The following HEXD variants were observed in gnomAD, a reference collection of about 807,000 sequenced individuals.
HEXD encodes the protein N-acetyl-beta-galactosaminidase.
A neutral mutation model predicts 54.2 loss-of-function variants in HEXD; 47 were observed. The observed-to-expected ratio is 0.87, with a 90% CI of 0.69 to 1.11. The LOEUF is 1.11. Among genes scored for constraint, HEXD ranks in the 50% least tolerant of loss-of-function variants. The pLI is 0.00. For synonymous variants in HEXD, 293 were observed against 287.6 expected, an observed-to-expected ratio of 1.02 and a Z score of -0.19; for missense variants, 576 against 649.2, an observed-to-expected ratio of 0.89 and a Z score of 1.23.
Position 82,442,482 on chromosome 17 carries a change from T to C in HEXD, c.*98T>C. ...ACGGGCCCACGTGGGCGTCGTGCCCTCTGGCCCAGCAGTGTCTTGCCCACA... is the reference window on the plus strand; with the variant it reads ...ACGGGCCCACGTGGGCGTCGTGCCCCCTGGCCCAGCAGTGTCTTGCCCACA... On this transcript the variant is annotated 3_prime_UTR_variant, in exon 13 of 13. Coordinates refer to ENST00000327949, the MANE Select transcript of HEXD (RefSeq NM_001330542.2). This position sits in a 1 kb window ranked among gnomAD's most constrained non-coding sequence, Gnocchi z 6.8. 6.2e-7 allele frequency: 1 copy of C among 1,605,054 alleles called. No individual in the cohort carries two copies. The highest frequency in any genetic ancestry group is 1.3e-5 in the African/African-American group (1 of 74,848).
intron 8 of HEXD, 121 bp downstream of exon 8, chr17:82,437,484 T>C (rs2053804155): frequency 2.3e-6 from 2 of 868,238 alleles, no homozygotes; most frequent in South Asian, 4.2e-5. Flanking sequence ...AGCCCGGGCC[T>C]CCAAGAGGAG....
chr17:82,440,102 C>G (rs1349496559), intron 9 of HEXD: 1 of 1,298,232 alleles, frequency 7.7e-7, no homozygotes, highest in African/African-American at 1.5e-5. Context: ...CTGGACCCAG[C>G]ACTCACACTT....
chr17:82,420,924 A>G lies in HEXD; in HGVS notation c.84+1041A>G, dbSNP rs955364600. Among the ~76,000 whole-genome samples, 3 of 152,282 alleles carry G rather than the reference A, an allele frequency of 2.0e-5. No individual in the cohort carries two copies. In the East Asian group the frequency reaches 5.8e-4, roughly 29 times the overall value. On this transcript the variant is annotated intron_variant, in intron 2 of 12. Coordinates refer to ENST00000327949, the MANE Select transcript of HEXD (RefSeq NM_001330542.2). ...GCCCTAGAAAACTAAGACACTCTTCAACAAAATTAGGTATCAGGGTGTCCC... is the reference window on the plus strand; with the variant it reads ...GCCCTAGAAAACTAAGACACTCTTCGACAAAATTAGGTATCAGGGTGTCCC...
chr17:82,433,150 T>C (rs2143546280), intron 4 of HEXD, among the ~76,000 whole-genome samples: 1 of 82,108 alleles, frequency 1.2e-5, no homozygotes, highest in African/African-American at 5.2e-5. Context: ...TTTTTATATA[T>C]ATATTTTTAG....
At chr17:82,435,625 C>A in intron 5 of HEXD, 64 bp from the exon 6 acceptor site, 1 of 1,531,248 alleles carries the variant, frequency 6.5e-7, no homozygotes, top group Non-Finnish European at 8.9e-7. Context: ...ACGGCGTGAA[C>A]CCCGGACCCT....
rs981565498 is a variant in HEXD at position 82,435,731 on chromosome 17, C to T, written c.490C>T (p.Gln164Ter). The T allele has an allele frequency of 2.5e-6, 4 of 1,612,788 alleles. No homozygotes were observed. The African/African-American group carries it at 4.0e-5, about 16-fold the overall frequency. The change falls in exon 6 of 13, where the codon CAG becomes TAG. Residue 164 changes from glutamine to a stop codon, truncating the protein, a stop_gained. Transcript: ENST00000327949. LOFTEE classifies it high-confidence loss of function. ...GGGGGAGGCCTCGCGCCGGTGGCTACAGCAAGAGCAGAACAGCACGGGGAA... is the reference window on the plus strand; with the variant it reads ...GGGGGAGGCCTCGCGCCGGTGGCTATAGCAAGAGCAGAACAGCACGGGGAA... ...GEGEASRRWLQQEQNSTGKLC... is the reference protein window; with the variant it reads ...GEGEASRRWL
intron 3 of HEXD, among the ~76,000 whole-genome samples, chr17:82,425,187 C>T (rs12943364): frequency 1.4e-3 from 139 of 102,072 alleles, no homozygotes; most frequent in African/African-American, 5.1e-3. Flanking sequence ...TGGAGGAGGC[C>T]GGAGAAGGCT....
At position 82,442,183 on chromosome 17, in the gene HEXD, G is replaced by C. The variant is rs1405713218; in HGVS notation, c.1260G>C (p.Leu420=). The C allele has an allele frequency of 6.3e-7, 1 of 1,598,438 alleles. No individual in the cohort carries two copies. The highest frequency in any genetic ancestry group is 2.2e-5 in the East Asian group (1 of 44,734). Residue 420 remains leucine, a synonymous_variant, in exon 13 of 13, where the codon CTG becomes CTC. Coordinates refer to ENST00000327949, the MANE Select transcript of HEXD (RefSeq NM_001330542.2). The surrounding 1 kb of genome is among the most constrained non-coding windows in gnomAD (Gnocchi z 6.8). ...QHIQPAALSL[L]AQWSTLVQEL... ...ATGGCGCCCTCACCTGCAGCCTCCT[G>C]GCACAGTGGAGCACCCTCGTGCAGG...
chr17:82,433,016 A>G (rs1242841936), intron 4 of HEXD, among the ~76,000 whole-genome samples: 1 of 134,614 alleles, frequency 7.4e-6, no homozygotes, highest in Admixed American at 7.6e-5. Context: ...TAGTGAGCCG[A>G]GATCATGCCA....
chr17:82,432,788 G>A (rs937947989), intron 4 of HEXD, among the ~76,000 whole-genome samples: 1 of 151,756 alleles, frequency 6.6e-6, no homozygotes, highest in Non-Finnish European at 1.5e-5. Context: ...TTATGGCTGG[G>A]TGCAGTGGCT....
chr17:82,421,883 A>G (rs1036410858), intron 2 of HEXD, among the ~76,000 whole-genome samples: 1 of 152,004 alleles, frequency 6.6e-6, no homozygotes, highest in Non-Finnish European at 1.5e-5. Flanking sequence ...AAAGATAGGT[A>G]AGAAAAAAGA....
chr17:82,421,413 A>G (rs538689683), intron 2 of HEXD, among the ~76,000 whole-genome samples: 4 of 152,338 alleles, frequency 2.6e-5, no homozygotes, highest in East Asian at 1.9e-4. Flanking sequence ...GTGGAGGTCA[A>G]AAAACACTGC....
Position 82,433,729 on chromosome 17 carries a change from C to T in HEXD, c.354C>T (p.His118=), listed in dbSNP as rs768038951. The part of the protein sequence containing the change: ...VGSFPCTLNP[H]EAESLALVGA... ...CCTTCCCCTGCACCCTGAACCCCCA[C>T]GAGGCAGAGTCCCTGGCGCTGGTGG... The change falls in exon 5 of 13, where the codon CAC becomes CAT. Residue 118 remains histidine (H), a synonymous_variant. Coordinates refer to ENST00000327949, the MANE Select transcript of HEXD (RefSeq NM_001330542.2). 2.1e-5 allele frequency: 34 copies of T among 1,613,162 alleles called. No individual in the cohort carries two copies. The highest frequency in any genetic ancestry group is 4.0e-5 in the African/African-American group (3 of 74,926).
chr17:82,439,970 A>T, intron 9 of HEXD: 1 of 1,475,422 alleles, frequency 6.8e-7, no homozygotes, highest in South Asian at 1.2e-5. Context: ...GACACAGTGA[A>T]TCCGCAGAAA....
Position 82,433,768 on chromosome 17 carries a change from C to T in HEXD, c.393C>T (p.Asp131=), listed in dbSNP as rs969207581. 3.1e-6 allele frequency: 5 copies of T among 1,613,160 alleles called. No homozygotes were observed. The highest frequency in any genetic ancestry group is 1.1e-5 in the South Asian group (1 of 91,016). ...ESLALVGAMI[D]QVLELHPGAQ... ...TGGCGCTGGTGGGCGCCATGATTGA[C>T]CAGGTCCTGGAGCTACACCCAGGCG... The change falls in exon 5 of 13, where the codon GAC becomes GAT. Residue 131 remains aspartate, a synonymous_variant. Coordinates refer to ENST00000327949, the MANE Select transcript of HEXD (RefSeq NM_001330542.2).
In HEXD at chr17:82,442,591, G is replaced by A. The variant is rs1175990561; in HGVS notation, c.*207G>A. ...AGCAGCACAGGGAGACCCGCTTTGT[G>A]ATCTGCATGTGTGACACTGATTCTT... On this transcript the variant is annotated 3_prime_UTR_variant, in exon 13 of 13. Transcript: ENST00000327949. The surrounding 1 kb of genome is among the most constrained non-coding windows in gnomAD (Gnocchi z 6.8). The A allele has an allele frequency of 6.4e-7, 1 of 1,569,672 alleles. No homozygotes were observed. The highest frequency in any genetic ancestry group is 1.4e-5 in the African/African-American group (1 of 73,970).
chr17:82,431,614 A>G (rs2053579655), intron 4 of HEXD, among the ~76,000 whole-genome samples: 1 of 151,862 alleles, frequency 6.6e-6, no homozygotes. Flanking sequence ...GGGTTTTGCC[A>G]TGTTGGCCAA....
At chr17:82,436,820 G>A in intron 7 of HEXD, 82 bp downstream of exon 7, 1 of 1,314,722 alleles carries the variant, frequency 7.6e-7, no homozygotes, top group South Asian at 1.3e-5. Flanking sequence ...CCTGCAGCCG[G>A]AACTGCCCAG....
Position 82,418,466 on chromosome 17 carries a change from G to A in HEXD, c.-326G>A. The A allele has an allele frequency of 6.8e-7, 1 of 1,472,000 alleles. No individual in the cohort carries two copies. 91.2% of individuals were successfully genotyped at this position (1,472,000 alleles called of 1,614,324 possible). ...GTTGCCCTCGGGCGCCTTGGTTGCG[G>A]CCCTCCGCTGAGGAGCCATCGGACC... On this transcript the variant is annotated 5_prime_UTR_variant, in exon 1 of 13. Coordinates refer to ENST00000327949, the MANE Select transcript of HEXD (RefSeq NM_001330542.2).
Sources: gnomAD v4.1 joint callset for allele counts (sites outside exome capture counted in the v4.1 genomes callset) on GRCh38, gnomAD v4.1.1 for gene constraint, Gnocchi (gnomAD v3.1) non-coding constraint, MANE v1.5 for transcripts, NCBI Gene and HGNC (gene_info 2026-07-23, HGNC 2026-07-21) for gene names.